Variants in GANAB observed in about 807,000 individuals in gnomAD.
The protein encoded by GANAB is glucosidase II alpha subunit.
Under a neutral mutation model 129.9 loss-of-function variants are expected in GANAB, and 35 were observed. The observed-to-expected ratio is 0.27, with a 90% CI of 0.21 to 0.36. The LOEUF is 0.36. Among genes scored for constraint, GANAB ranks in the 10% least tolerant of loss-of-function variants. GANAB has a pLI of 1.00. For synonymous variants in GANAB, 482 were observed against 451.8 expected (o/e 1.07, Z -0.85); for missense variants, 939 against 1,221.0 (o/e 0.77, Z 3.44).
chr11:62,628,621 A>C, intron 17 of GANAB, 148 bp downstream of exon 17: 1 of 802,602 alleles, frequency 1.2e-6, no homozygotes, highest in Non-Finnish European at 2.0e-6. Flanking sequence ...ATTCATCTCC[A>C]TTAAGCTCCC....
intron 1 of GANAB, among the ~76,000 whole-genome samples, chr11:62,642,415 A>C (rs1369722545): frequency 6.6e-6 from 1 of 151,004 alleles, no homozygotes; most frequent in Non-Finnish European, 1.5e-5. Flanking sequence ...TAACTTAATC[A>C]GAGAGAAGCC....
At chr11:62,631,947 G>A (rs1257912067) in intron 9 of GANAB, among the ~76,000 whole-genome samples, 6 of 149,928 alleles carry the variant, frequency 4.0e-5, no homozygotes, top group Admixed American at 2.0e-4. Flanking sequence ...TGTGTTTAAC[G>A]TGTCTTCCTC....
rs777698823 is a variant in GANAB at position 62,632,659 on chromosome 11, A to G, written c.902T>C (p.Val301Ala). ...NPMALYGSVPVLLAHNPHRDL... is the reference protein window; with the variant it reads ...NPMALYGSVPALLAHNPHRDL... Reference sequence around the variant, plus strand: ...GCGATGAGGGTTGTGTGCCAGGAGCACAGGCACAGACCCATACAAGGCCAT... The same window carrying G: ...GCGATGAGGGTTGTGTGCCAGGAGCGCAGGCACAGACCCATACAAGGCCAT... Residue 301 changes from valine (V) to alanine (A), a missense_variant, in exon 9 of 24, where the codon GTG becomes GCG. Val to Ala is a moderately conservative substitution (Grantham distance 64, BLOSUM62 0). Around this residue, in one of 5 missense-constraint regions of GANAB, gnomAD observed 21 missense variants for 53.7 expected, o/e 0.39. Transcript: ENST00000356638. 1 of 1,612,694 alleles carries G rather than the reference A, an allele frequency of 6.2e-7. No homozygotes were observed. Among genetic ancestry groups the G allele is most frequent in the Non-Finnish European group, 8.5e-7 (1 of 1,178,806 alleles).
rs763260444 is a variant in GANAB, at chr11:62,639,613, C to A, written c.143+14G>T. On this transcript the variant is annotated intron_variant, in intron 2 of 23. Coordinates refer to ENST00000356638, the MANE Select transcript of GANAB (RefSeq NM_198334.3). ...AACCCTACATTCCATCCCTCTCCCC[C>A]AGAAATATCATACTTGCAGAAAGAA... is the stretch of plus-strand genomic sequence containing the variant. The A allele has an allele frequency of 8.9e-6, 14 of 1,581,000 alleles. No homozygotes were observed. The African/African-American group carries it at 1.8e-4, about 20-fold the overall frequency.
At chr11:62,626,805 C>A (rs953436944) in intron 20 of GANAB, 55 bp downstream of exon 20, 52 of 1,407,522 alleles carry the variant, frequency 3.7e-5, no homozygotes, top group Non-Finnish European at 5.0e-5. Flanking sequence ...ACATTCCCTC[C>A]CCTTCTGGAA....
chr11:62,638,785 T>C (rs1053336560), intron 4 of GANAB, among the ~76,000 whole-genome samples, 198 bp downstream of exon 4: 1 of 152,038 alleles, frequency 6.6e-6, no homozygotes, highest in African/African-American at 2.4e-5. Flanking sequence ...AATTGTTTGC[T>C]GAATGAATGA....
At chr11:62,646,039 CTG>C (rs1320101717) in intron 1 of GANAB, among the ~76,000 whole-genome samples, 14 of 152,248 alleles carry the variant, frequency 9.2e-5, no homozygotes, top group Non-Finnish European at 1.5e-4. Context: ...ACCGTGGACA[CTG>C]AACTAAGCCA....
At position 62,631,154 on chromosome 11, in the gene GANAB, C is replaced by A. The variant is rs147084598; in HGVS notation, c.1026G>T (p.Leu342=). 7.3e-3 allele frequency: 11,681 copies of A among 1,596,774 alleles called. 87 individuals are homozygous for A. Among genetic ancestry groups the A allele is most frequent in the Non-Finnish European group, 7.1e-3 (8,296 of 1,165,650 alleles). ...KTLFGKMMDY[L]QGSGETPQTD... ...TCTGTGGGGTCTCCCCAGAGCCCTG[C>A]AGGTAGTCCATCATCTTCCCAAACA... The change falls in exon 10 of 24, where the codon CTG becomes CTT. Residue 342 remains leucine, a synonymous_variant. Coordinates refer to ENST00000356638, the MANE Select transcript of GANAB (RefSeq NM_198334.3).
chr11:62,626,575 G>C lies in GANAB; in HGVS notation c.2507C>G (p.Pro836Arg). The change falls in exon 21 of 24, where the codon CCT (proline) becomes CGT (arginine). Residue 836 changes from proline to arginine, a missense_variant. Physicochemically the swap from Pro to Arg is moderately radical, Grantham distance 103. This residue lies in a region of GANAB where 230 missense variants were observed against 259.9 expected (regional missense o/e 0.89). Transcript: ENST00000356638. ...DPITLFVALS[P>R]QGTAQGELFL... ...ACTCGCTGCCTATGCACTTACCTGA[G>C]GGCTAAGTGCAACAAAGAGAGTGAT... is the stretch of plus-strand genomic sequence containing the variant. 2 of 1,588,428 alleles carry C rather than the reference G, an allele frequency of 1.3e-6. No homozygotes were observed. The highest frequency in any genetic ancestry group is 1.7e-6 in the Non-Finnish European group (2 of 1,156,698).
At chr11:62,630,044 T>C (rs1943590334) in intron 13 of GANAB, 87 bp from the exon 14 acceptor site, 1 of 1,469,258 alleles carries the variant, frequency 6.8e-7, no homozygotes, top group Non-Finnish European at 9.5e-7. Flanking sequence ...CCTAGGAATC[T>C]AAAAAGATGC....
At chr11:62,632,373 T>C (rs1006920465) in intron 9 of GANAB, among the ~76,000 whole-genome samples, 192 bp downstream of exon 9, 1 of 152,186 alleles carries the variant, frequency 6.6e-6, no homozygotes, top group African/African-American at 2.4e-5. Context: ...CAGCCCAGAA[T>C]AGGCAATGCC....
Position 62,626,460 on chromosome 11 carries a change from T to C in GANAB, c.2512-13A>G, listed in dbSNP as rs376460143. 1.3e-5 allele frequency: 20 copies of C among 1,580,384 alleles called. No homozygotes were observed. The African/African-American group carries it at 2.4e-4, about 19-fold the overall frequency. On this transcript the variant is annotated splice_polypyrimidine_tract_variant and intron_variant, in intron 21 of 23. Transcript: ENST00000356638. Reference sequence around the variant, plus strand: ...CTTGAGCTGTACCCTGAGCAAGAAGTGGGATAGGTGAGCGCCTGAGCCCAA... The same window carrying C: ...CTTGAGCTGTACCCTGAGCAAGAAGCGGGATAGGTGAGCGCCTGAGCCCAA...
rs766509914 is a variant in GANAB, at chr11:62,629,575, C to T, written c.1834+13G>A. The T allele has an allele frequency of 6.4e-7, 1 of 1,572,782 alleles. No individual in the cohort carries two copies. The highest frequency in any genetic ancestry group is 8.7e-7 in the Non-Finnish European group (1 of 1,153,150). On this transcript the variant is annotated intron_variant, in intron 15 of 23. Transcript: ENST00000356638. The stretch of plus-strand genomic sequence containing the variant: ...CACACCCTTCTGCCACAGCTCCATT[C>T]TCTAAACCTTACCAAAGCGCTGGGA...
At chr11:62,635,406 C>G (rs1943900081) in intron 4 of GANAB, among the ~76,000 whole-genome samples, 2 of 152,006 alleles carry the variant, frequency 1.3e-5, no homozygotes. Context: ...TCTCAAACTC[C>G]TGACCTCAGG....
chr11:62,639,925 C>T, intron 1 of GANAB, 194 bp from the exon 2 acceptor site: 1 of 568,450 alleles, frequency 1.8e-6, no homozygotes, highest in Non-Finnish European at 3.2e-6. Context: ...AGTTGGCTCA[C>T]TCACACCTTC....
intron 1 of GANAB, 185 bp from the exon 2 acceptor site, chr11:62,639,916 G>A: frequency 1.7e-6 from 1 of 577,128 alleles, no homozygotes; most frequent in South Asian, 2.1e-5. Flanking sequence ...GGCCTGAGAA[G>A]TTGGCTCACT....
At position 62,630,333 on chromosome 11, in the gene GANAB, T is replaced by C. The variant is rs375408114; in HGVS notation, c.1513+46A>G. 3.7e-6 allele frequency: 6 copies of C among 1,613,716 alleles called. No individual in the cohort carries two copies. In the African/African-American group the frequency reaches 8.0e-5, roughly 21 times the overall value. ...CTAAGGGGCAAAAGAGCCACCATTC[T>C]ACCCCGCTGGCCAATCAACTCTCCC... On this transcript the variant is annotated intron_variant, in intron 12 of 23. Transcript: ENST00000356638.
rs2958236 is a variant in GANAB, at chr11:62,627,589, G to A, written c.2181-236C>T. Among the ~76,000 whole-genome samples, 96,290 of 151,796 alleles carry A rather than the reference G, an allele frequency of 0.63. 31,055 individuals are homozygous for A. Among genetic ancestry groups the A allele is most frequent in the East Asian group, 0.93 (4,772 of 5,154 alleles). ...TCTACTAAAAATACAAAAATTAGCCGGGCATGGTGGCAGGCACCTGTGATC... is the reference window on the plus strand; with the variant it reads ...TCTACTAAAAATACAAAAATTAGCCAGGCATGGTGGCAGGCACCTGTGATC... On this transcript the variant is annotated intron_variant, in intron 17 of 23. Coordinates refer to ENST00000356638, the MANE Select transcript of GANAB (RefSeq NM_198334.3).
rs553681196 is a variant in GANAB at position 62,629,158 on chromosome 11, C to T, written c.1936+36G>A. Reference sequence around the variant, plus strand: ...TGTGCCCTCTACTTTGCCCCTTTCCCACCAAACCAAGACCCCAAATTCCTC... The same window carrying T: ...TGTGCCCTCTACTTTGCCCCTTTCCTACCAAACCAAGACCCCAAATTCCTC... On this transcript the variant is annotated intron_variant, in intron 16 of 23. Transcript: ENST00000356638. 15 of 1,573,844 alleles carry T rather than the reference C, an allele frequency of 9.5e-6. No homozygotes were observed. The Admixed American group carries it at 1.8e-4, about 19-fold the overall frequency.
Sources: allele counts gnomAD v4.1 joint callset (sites outside exome capture counted in the v4.1 genomes callset), GRCh38; gene constraint gnomAD v4.1.1; regional missense constraint gnomAD v4.1.1; transcripts MANE v1.5; gene names NCBI Gene and HGNC (gene_info 2026-07-23, HGNC 2026-07-21).